Variants in COL4A1 observed in about 807,000 individuals in gnomAD.
The protein encoded by COL4A1 is collagen alpha-1(IV) chain.
A neutral mutation model predicts 216.6 loss-of-function variants in COL4A1; 40 were observed. That is an observed-to-expected ratio of 0.18 (90% CI 0.14 to 0.24). The LOEUF (loss-of-function observed/expected upper bound fraction) is 0.24. Among genes scored for constraint, COL4A1 ranks in the 10% least tolerant of loss-of-function variants. The probability of loss-of-function intolerance (pLI) is 1.00; values close to 1 mark genes in which losing one functional copy is unlikely to be tolerated. For synonymous variants in COL4A1, 839 were observed against 810.7 expected, an observed-to-expected ratio of 1.03 and a Z score of -0.59; for missense variants, 1,628 against 2,196.8, an observed-to-expected ratio of 0.74 and a Z score of 5.18.
chr13:110,263,084 C>G (rs1192867675), intron 1 of COL4A1, among the ~76,000 whole-genome samples: 1 of 152,140 alleles, frequency 6.6e-6, no homozygotes, highest in Non-Finnish European at 1.5e-5. Flanking sequence ...TCCAAACATG[C>G]CTGGAAAACT....
In COL4A1 at chr13:110,164,868, G is replaced by C. The variant is rs571328340; in HGVS notation, c.4144C>G (p.Gln1382Glu). 1 of 1,611,880 alleles carries C rather than the reference G, an allele frequency of 6.2e-7. No homozygotes were observed. Among genetic ancestry groups the C allele is most frequent in the South Asian group, 1.1e-5 (1 of 90,420 alleles). ...ACAGGCCAAGCCTTCTCACCTTGCTGGCCTTTCGGGCCTGGCAGTCCCTGA... is the reference window on the plus strand; with the variant it reads ...ACAGGCCAAGCCTTCTCACCTTGCTCGCCTTTCGGGCCTGGCAGTCCCTGA... ...GLQGLPGPKG[Q>E]QGVTGLVGIP... Residue 1382 changes from glutamine (Q) to glutamate (E), a missense_variant, in exon 46 of 52, where the codon CAG (glutamine) becomes GAG (glutamate). Transcript: ENST00000375820.
At chr13:110,223,833 C>G (rs1880615638) in intron 2 of COL4A1, among the ~76,000 whole-genome samples, 1 of 152,084 alleles carries the variant, frequency 6.6e-6, no homozygotes, top group Non-Finnish European at 1.5e-5. Context: ...CAGGACACAC[C>G]AAGCAAGAGG....
chr13:110,240,059 T>C (rs138677354), intron 2 of COL4A1, among the ~76,000 whole-genome samples: 3 of 152,336 alleles, frequency 2.0e-5, no homozygotes, highest in Middle Eastern at 3.4e-3. Flanking sequence ...TAAAATGATA[T>C]AATACTAAAC....
chr13:110,199,334 C>T (rs541417657), intron 20 of COL4A1, among the ~76,000 whole-genome samples: 17 of 152,204 alleles, frequency 1.1e-4, no homozygotes, highest in African/African-American at 2.9e-4. Flanking sequence ...GGAAACAGGA[C>T]GCAGGAAGAC....
At chr13:110,295,136 G>C (rs1017518992) in intron 1 of COL4A1, among the ~76,000 whole-genome samples, 2 of 152,070 alleles carry the variant, frequency 1.3e-5, no homozygotes, top group African/African-American at 4.8e-5. Flanking sequence ...GAGCTCAGAA[G>C]ACTTTATGAA....
intron 21 of COL4A1, among the ~76,000 whole-genome samples, chr13:110,197,840 C>A (rs1379029740): frequency 6.6e-6 from 1 of 152,174 alleles, no homozygotes; most frequent in East Asian, 1.9e-4. Context: ...TGGTTTTGAT[C>A]CAGCAGGTTC....
intron 2 of COL4A1, among the ~76,000 whole-genome samples, chr13:110,223,045 G>A (rs1880580091): frequency 6.6e-6 from 1 of 152,084 alleles, no homozygotes. Flanking sequence ...TATAAATAAT[G>A]AGAATGATGG....
Position 110,182,988 on chromosome 13 carries a change from G to T in COL4A1, c.2095+5C>A, listed in dbSNP as rs1002310339. 1.2e-6 allele frequency: 2 copies of T among 1,611,376 alleles called. No individual in the cohort carries two copies. Among genetic ancestry groups the T allele is most frequent in the Middle Eastern group, 1.7e-4 (1 of 5,944 alleles). On this transcript the variant is annotated splice_donor_5th_base_variant and intron_variant, in intron 28 of 51. Transcript: ENST00000375820. ...CAAAGGCTCGGGTCCGTCTGGCAGG[G>T]TTACCTTTGGGGCCGGGGGGCCCTG...
intron 41 of COL4A1, among the ~76,000 whole-genome samples, chr13:110,172,346 C>T (rs1877685427): frequency 6.6e-6 from 1 of 152,222 alleles, no homozygotes; most frequent in Non-Finnish European, 1.5e-5. Context: ...GTTTTTGTCT[C>T]GTGGTGTGTG....
At chr13:110,162,121 T>C in intron 48 of COL4A1, 109 bp downstream of exon 48, 4 of 1,032,998 alleles carry the variant, frequency 3.9e-6, no homozygotes, top group Non-Finnish European at 6.0e-6. Context: ...GCGCAGTGTT[T>C]CACTCGCTAC....
rs200150645 is a variant in COL4A1, at chr13:110,178,894, A to G, written c.2458+29T>C. On this transcript the variant is annotated intron_variant, in intron 31 of 51. Transcript: ENST00000375820. Reference sequence around the variant, plus strand: ...GCTTCAGAAAAGCATGCTTTTGGGAACAGATAATTCTAGAAGCATGTCACT... The same window carrying G: ...GCTTCAGAAAAGCATGCTTTTGGGAGCAGATAATTCTAGAAGCATGTCACT... 5.9e-5 allele frequency: 92 copies of G among 1,552,262 alleles called. 1 individual carries two copies. In the East Asian group the frequency reaches 2.1e-3, roughly 35 times the overall value.
intron 8 of COL4A1, 136 bp from the exon 9 acceptor site, chr13:110,210,348 G>T: frequency 1.2e-6 from 1 of 805,270 alleles, no homozygotes; most frequent in Non-Finnish European, 2.1e-6. Context: ...CGTCTACACT[G>T]GAAATCAATA....
At chr13:110,215,949 T>C (rs1428600257) in intron 2 of COL4A1, among the ~76,000 whole-genome samples, 1 of 152,162 alleles carries the variant, frequency 6.6e-6, no homozygotes, top group Non-Finnish European at 1.5e-5. Context: ...CACACCTCCA[T>C]AGAGCTGTGT....
At chr13:110,234,744 C>T (rs569993185) in intron 2 of COL4A1, among the ~76,000 whole-genome samples, 1 of 152,248 alleles carries the variant, frequency 6.6e-6, no homozygotes, top group East Asian at 1.9e-4. Flanking sequence ...CTCAGTTTTC[C>T]CCAAACGCCT....
At chr13:110,245,954 A>AT (rs1881789679) in intron 1 of COL4A1, among the ~76,000 whole-genome samples, 1 of 148,776 alleles carries the variant, frequency 6.7e-6, no homozygotes, top group South Asian at 2.2e-4. Flanking sequence ...TAAGCAAGTA[A>AT]TTTTTTTTAA....
At chr13:110,170,301 C>T (rs1340480963) in intron 42 of COL4A1, among the ~76,000 whole-genome samples, 1 of 152,312 alleles carries the variant, frequency 6.6e-6, no homozygotes, top group African/African-American at 2.4e-5. Context: ...ACCGACGGGG[C>T]ACGAGTCCAG....
intron 2 of COL4A1, among the ~76,000 whole-genome samples, chr13:110,221,875 G>A (rs954031640): frequency 5.3e-5 from 8 of 152,230 alleles, no homozygotes; most frequent in Non-Finnish European, 8.8e-5. Flanking sequence ...CCAAAGGCTT[G>A]TGAACCTGCT....
In COL4A1 at chr13:110,211,735, G is replaced by A. The variant is rs1879805181; in HGVS notation, c.442-62C>T. On this transcript the variant is annotated intron_variant, in intron 7 of 51. Coordinates refer to ENST00000375820, the MANE Select transcript of COL4A1 (RefSeq NM_001845.6). The surrounding 1 kb of genome is among the most constrained non-coding windows in gnomAD (Gnocchi z 4.3). Reference sequence around the variant, plus strand: ...TCAAAATATCATTAGCATTAAAATTGTTATCATGTAATATTATATATAAAA... The same window carrying A: ...TCAAAATATCATTAGCATTAAAATTATTATCATGTAATATTATATATAAAA... 6.6e-7 allele frequency: 1 copy of A among 1,515,508 alleles called. No homozygotes were observed. Among genetic ancestry groups the A allele is most frequent in the Non-Finnish European group, 9.1e-7 (1 of 1,102,636 alleles). 93.9% of individuals were successfully genotyped at this position (1,515,508 alleles called of 1,614,324 possible).
At chr13:110,266,282 C>T (rs553194053) in intron 1 of COL4A1, among the ~76,000 whole-genome samples, 7 of 152,196 alleles carry the variant, frequency 4.6e-5, no homozygotes, top group Admixed American at 2.0e-4. Flanking sequence ...CCGGGCCAGC[C>T]GAAGGGACGC....
Sources: gnomAD v4.1 joint callset for allele counts (sites outside exome capture counted in the v4.1 genomes callset) on GRCh38, gnomAD v4.1.1 for gene constraint, Gnocchi (gnomAD v3.1) non-coding constraint, MANE v1.5 for transcripts, NCBI Gene and HGNC (gene_info 2026-07-23, HGNC 2026-07-21) for gene names.